Variants in KIZ observed in about 807,000 individuals in gnomAD.
KIZ encodes kizuna centrosomal protein.
KIZ carries 68 observed loss-of-function variants against 79.6 expected under a neutral mutation model. That is an observed-to-expected ratio of 0.85 (90% CI 0.70 to 1.05). KIZ has a LOEUF of 1.05. Ranked by LOEUF, KIZ falls within the 50% of genes least tolerant of loss-of-function variation. The pLI is 0.00. For missense variants in KIZ, 797 were observed against 800.4 expected (o/e 1.00, Z 0.05); for synonymous variants, 280 against 281.8 (o/e 0.99, Z 0.06).
chr20:21,145,887 T>G (rs1399832716), intron 4 of KIZ, among the ~76,000 whole-genome samples: 1 of 152,208 alleles, frequency 6.6e-6, no homozygotes, highest in Admixed American at 6.5e-5. Context: ...AAAACCTCAG[T>G]GTTGTCAGTA....
At chr20:21,188,591 A>ATTTT (rs1168807352) in intron 6 of KIZ, among the ~76,000 whole-genome samples, 1 of 142,910 alleles carries the variant, frequency 7.0e-6, no homozygotes, top group African/African-American at 2.5e-5. Context: ...CACCCTCCAC[A>ATTTT]TTTTTTTTTT....
chr20:21,221,418 C>A (rs1016563450), intron 9 of KIZ, among the ~76,000 whole-genome samples: 1 of 152,138 alleles, frequency 6.6e-6, no homozygotes, highest in Non-Finnish European at 1.5e-5. Flanking sequence ...GTCATGCACT[C>A]CACCAATACT....
At chr20:21,227,436 C>T (rs781745258) in intron 9 of KIZ, among the ~76,000 whole-genome samples, 4 of 151,850 alleles carry the variant, frequency 2.6e-5, no homozygotes, top group Non-Finnish European at 5.9e-5. Context: ...TTTTCCTTGA[C>T]GAAATAAGTT....
chr20:21,146,033 A>G (rs2032828219), intron 4 of KIZ, among the ~76,000 whole-genome samples: 1 of 152,230 alleles, frequency 6.6e-6, no homozygotes, highest in Non-Finnish European at 1.5e-5. Context: ...TGTACATTTT[A>G]ACCTTTGCAC....
chr20:21,201,525 A>G (rs761543549), intron 6 of KIZ, among the ~76,000 whole-genome samples: 16 of 152,146 alleles, frequency 1.1e-4, no homozygotes, highest in Non-Finnish European at 1.9e-4. Flanking sequence ...GAAAATCTCT[A>G]TTTTAGTCTG....
rs2034495531 is a variant in KIZ, at chr20:21,177,763, A to G, written c.1352+14604A>G. 2.0e-5 allele frequency among the ~76,000 whole-genome samples: 3 copies of G among 152,128 alleles called. No homozygotes were observed. The South Asian group carries it at 6.2e-4, about 32-fold the overall frequency. On this transcript the variant is annotated intron_variant, in intron 6 of 12. Transcript: ENST00000619189. ...TTTTGAGTTGATTTTTCTGTGTGGT[A>G]TGAGAGTCCAGTTTCATTCTTTTGC... is the stretch of plus-strand genomic sequence containing the variant.
At chr20:21,126,695 CTT>C (rs2031498049) in intron 1 of KIZ, among the ~76,000 whole-genome samples, 1 of 152,048 alleles carries the variant, frequency 6.6e-6, no homozygotes, top group Non-Finnish European at 1.5e-5. Context: ...ACTCAGGAGA[CTT>C]TTAGGGGTAG....
At chr20:21,141,087 C>T (rs958132044) in intron 3 of KIZ, among the ~76,000 whole-genome samples, 23 of 152,050 alleles carry the variant, frequency 1.5e-4, no homozygotes, top group Admixed American at 1.4e-3. Flanking sequence ...GAGGAGTCTG[C>T]CCTCCTCTCC....
At chr20:21,138,844 A>G (rs2032346243) in intron 3 of KIZ, 1 of 145,016 alleles carries the variant, frequency 6.9e-6, no homozygotes, top group African/African-American at 2.5e-5. Flanking sequence ...AAAAGTGGTG[A>G]TTTTCTGTTT....
chr20:21,137,727 A>G (rs761229373), intron 3 of KIZ, among the ~76,000 whole-genome samples: 8 of 152,044 alleles, frequency 5.3e-5, no homozygotes, highest in Non-Finnish European at 8.8e-5. Context: ...ATGCAGGGAC[A>G]GTCTCCTACA....
chr20:21,202,660 A>C (rs1025775530), intron 6 of KIZ, among the ~76,000 whole-genome samples: 3 of 152,182 alleles, frequency 2.0e-5, no homozygotes, highest in Non-Finnish European at 4.4e-5. Flanking sequence ...TTTTATTATG[A>C]AATTTTTCAA....
At position 21,244,398 on chromosome 20, in the gene KIZ, C is replaced by G. The variant is rs2037322019; in HGVS notation, c.1924+110C>G. ...ATGTGAGTCCTGAAGCGGGCATGCT[C>G]ACAGGGACTGCCATTGCAGCTGTCC... On this transcript the variant is annotated intron_variant, in intron 12 of 12. Coordinates refer to ENST00000619189, the MANE Select transcript of KIZ (RefSeq NM_018474.6). 5 of 765,506 alleles carry G rather than the reference C, an allele frequency of 6.5e-6. No individual in the cohort carries two copies. In the Admixed American group the frequency reaches 1.1e-4, roughly 17 times the overall value. 47.4% of individuals were successfully genotyped at this position (765,506 alleles called of 1,614,324 possible).
At chr20:21,141,071 T>C (rs1272413179) in intron 3 of KIZ, among the ~76,000 whole-genome samples, 1 of 152,120 alleles carries the variant, frequency 6.6e-6, no homozygotes, top group East Asian at 1.9e-4. Context: ...TTAGTATTAA[T>C]GCTGTGAGGA....
intron 9 of KIZ, among the ~76,000 whole-genome samples, chr20:21,226,452 T>A (rs1469275730): frequency 6.6e-6 from 1 of 152,224 alleles, no homozygotes; most frequent in Non-Finnish European, 1.5e-5. Context: ...CAACCCTTAT[T>A]AATTTTGTTT....
chr20:21,219,234 C>A (rs1422965143), intron 9 of KIZ, among the ~76,000 whole-genome samples: 6 of 149,510 alleles, frequency 4.0e-5, no homozygotes, highest in Non-Finnish European at 6.0e-5. Context: ...AACAAAACAA[C>A]TTTCTAGCTC....
At chr20:21,234,451 T>C (rs1031014468) in intron 11 of KIZ, among the ~76,000 whole-genome samples, 8 of 151,506 alleles carry the variant, frequency 5.3e-5, no homozygotes, top group Admixed American at 2.0e-4. Flanking sequence ...AGTGCGTGGG[T>C]TTGGCGTGCT....
intron 4 of KIZ, among the ~76,000 whole-genome samples, chr20:21,157,731 G>A (rs1600405506): frequency 6.6e-6 from 1 of 152,230 alleles, no homozygotes; most frequent in East Asian, 1.9e-4. Flanking sequence ...ACTTCCTTTG[G>A]CCCTCCTCAG....
chr20:21,189,579 A>G (rs1472073417), intron 6 of KIZ, among the ~76,000 whole-genome samples: 1 of 152,210 alleles, frequency 6.6e-6, no homozygotes, highest in Non-Finnish European at 1.5e-5. Flanking sequence ...CGTTCTGAAA[A>G]TTAAAATGGA....
At chr20:21,147,961 T>TTTTGTG (rs1555874720) in intron 4 of KIZ, among the ~76,000 whole-genome samples, 2 of 141,036 alleles carry the variant, frequency 1.4e-5, no homozygotes, top group African/African-American at 5.3e-5. Flanking sequence ...CTCCTGGAAT[T>TTTTGTG]TGTGTGTGTG....
Sources: allele counts gnomAD v4.1 joint callset (sites outside exome capture counted in the v4.1 genomes callset), GRCh38; gene constraint gnomAD v4.1.1; transcripts MANE v1.5; gene names NCBI Gene and HGNC (gene_info 2026-07-23, HGNC 2026-07-21).